Variants in CRTC3 observed in about 807,000 individuals in gnomAD.
The protein encoded by CRTC3 is CREB regulated transcription coactivator 3.
CRTC3 carries 26 observed loss-of-function variants against 74.5 expected under a neutral mutation model. The observed-to-expected ratio is 0.35, with a 90% CI of 0.26 to 0.48. The LOEUF is 0.48. CRTC3 is among the 20% of genes least tolerant of loss of function. The probability of loss-of-function intolerance (pLI) is 0.99; values close to 1 mark genes in which losing one functional copy is unlikely to be tolerated. For synonymous variants in CRTC3, 377 were observed against 325.8 expected (o/e 1.16, Z -1.69); for missense variants, 760 against 787.3 (o/e 0.97, Z 0.41).
rs540999952 is a variant in CRTC3, at chr15:90,530,748, G to A, written c.132+545G>A. The A allele has an allele frequency of 1.6e-4, 24 of 152,516 alleles. No individual in the cohort carries two copies. The highest frequency in any genetic ancestry group is 5.5e-4 in the African/African-American group (23 of 41,598). 9.4% of individuals were successfully genotyped at this position (152,516 alleles called of 1,614,324 possible). A position where few individuals can be genotyped will look rare whatever the true frequency, so the allele number is the denominator to read the frequency against. On this transcript the variant is annotated intron_variant, in intron 1 of 14. Coordinates refer to ENST00000268184, the MANE Select transcript of CRTC3 (RefSeq NM_022769.5). This position sits in a 1 kb window ranked among gnomAD's most constrained non-coding sequence, Gnocchi z 6.2. ...ACCACGACGGGATTCCGTGTCGAGT[G>A]TGAGGCTCTGCTCCTTTTACTCCTT... is the stretch of plus-strand genomic sequence containing the variant.
intron 9 of CRTC3, among the ~76,000 whole-genome samples, chr15:90,624,400 C>G (rs1415190561): frequency 6.6e-6 from 1 of 152,098 alleles, no homozygotes; most frequent in Non-Finnish European, 1.5e-5. Context: ...TGGCCTCCCT[C>G]TTTCCACAGT....
rs1966663397 is a variant in CRTC3 at position 90,533,345 on chromosome 15, C to T, written c.132+3142C>T. Among the ~76,000 whole-genome samples the T allele has an allele frequency of 4.7e-5, 7 of 148,594 alleles. No homozygotes were observed. The South Asian group carries it at 1.5e-3, about 31-fold the overall frequency. On this transcript the variant is annotated intron_variant, in intron 1 of 14. Transcript: ENST00000268184. ...CTGCGGCAGGAGAATGGCGTGAACC[C>T]GGAAGGCGGAGCTTGCAGTGAGCCG... is the stretch of plus-strand genomic sequence containing the variant.
At chr15:90,619,999 C>G (rs28670393) in intron 9 of CRTC3, 2 of 549,000 alleles carry the variant, frequency 3.6e-6, no homozygotes, top group South Asian at 4.6e-5. Flanking sequence ...TAATAACAAA[C>G]AAAACTTACA....
intron 8 of CRTC3, among the ~76,000 whole-genome samples, chr15:90,618,902 C>A (rs1375569299): frequency 6.6e-6 from 1 of 152,212 alleles, no homozygotes; most frequent in African/African-American, 2.4e-5. Flanking sequence ...AGGCTTTTAT[C>A]AGAGGATAAC....
chr15:90,558,999 G>A (rs1000582574), intron 2 of CRTC3, among the ~76,000 whole-genome samples: 3 of 151,946 alleles, frequency 2.0e-5, no homozygotes, highest in African/African-American at 7.3e-5. Context: ...TGATCCGCCC[G>A]CCTTGGCTTC....
At chr15:90,604,652 T>C (rs1327849647) in intron 5 of CRTC3, among the ~76,000 whole-genome samples, 1 of 152,212 alleles carries the variant, frequency 6.6e-6, no homozygotes, top group Non-Finnish European at 1.5e-5. Flanking sequence ...AGGGTTTGCA[T>C]CTTGCTGTAT....
intron 2 of CRTC3, among the ~76,000 whole-genome samples, chr15:90,584,237 C>CTTTT (rs11355776): frequency 8.6e-6 from 1 of 116,702 alleles, no homozygotes; most frequent in African/African-American, 3.3e-5. Context: ...TTCACCAACG[C>CTTTT]TTTTTTTTTT....
intron 2 of CRTC3, among the ~76,000 whole-genome samples, chr15:90,554,899 A>T (rs1291741164): frequency 6.6e-6 from 1 of 152,166 alleles, no homozygotes; most frequent in Non-Finnish European, 1.5e-5. Context: ...ATTATTTTTT[A>T]AAATAATTAG....
chr15:90,626,315 C>T (rs1415891609), intron 10 of CRTC3, among the ~76,000 whole-genome samples: 1 of 152,192 alleles, frequency 6.6e-6, no homozygotes, highest in Non-Finnish European at 1.5e-5. Context: ...TAGTGGCTGT[C>T]ATCAACATAT....
At chr15:90,621,126 G>C (rs966329913) in intron 9 of CRTC3, among the ~76,000 whole-genome samples, 1 of 151,754 alleles carries the variant, frequency 6.6e-6, no homozygotes, top group African/African-American at 2.4e-5. Flanking sequence ...CCTCAACCTA[G>C]TCTGGTTCAG....
At chr15:90,581,898 T>C (rs1420593510) in intron 2 of CRTC3, among the ~76,000 whole-genome samples, 1 of 152,200 alleles carries the variant, frequency 6.6e-6, no homozygotes, top group Non-Finnish European at 1.5e-5. Context: ...TTTACATATA[T>C]TTCCTACGGC....
At chr15:90,611,994 T>G (rs1253687955) in intron 6 of CRTC3, among the ~76,000 whole-genome samples, 1 of 150,980 alleles carries the variant, frequency 6.6e-6, no homozygotes, top group African/African-American at 2.4e-5. Flanking sequence ...TCCATCTTCC[T>G]TCTCCTTCTT....
intron 2 of CRTC3, among the ~76,000 whole-genome samples, chr15:90,589,513 C>T (rs1967749103): frequency 6.6e-6 from 1 of 152,176 alleles, no homozygotes; most frequent in Admixed American, 6.5e-5. Flanking sequence ...CACATCACCA[C>T]ACCAGCTAAT....
chr15:90,637,004 T>C (rs377398480), intron 11 of CRTC3, among the ~76,000 whole-genome samples: 2 of 152,156 alleles, frequency 1.3e-5, no homozygotes, highest in African/African-American at 2.4e-5. Flanking sequence ...GGCGATTCCT[T>C]AGGGATCTTG....
chr15:90,629,603 C>G, intron 11 of CRTC3, 71 bp downstream of exon 11: 1 of 1,506,936 alleles, frequency 6.6e-7, no homozygotes, highest in South Asian at 1.2e-5. Context: ...CATTCCTCCT[C>G]TTTACTATTT....
At chr15:90,554,397 T>G (rs958138567) in intron 2 of CRTC3, among the ~76,000 whole-genome samples, 16 of 152,114 alleles carry the variant, frequency 1.1e-4, no homozygotes, top group Non-Finnish European at 2.4e-4. Flanking sequence ...GAGACGGGGT[T>G]TCACCATGTT....
chr15:90,603,252 G>A (rs1433524350), intron 4 of CRTC3, among the ~76,000 whole-genome samples: 1 of 149,594 alleles, frequency 6.7e-6, no homozygotes, highest in Admixed American at 6.7e-5. Flanking sequence ...GACCATCCTC[G>A]CTAACACGGT....
intron 2 of CRTC3, among the ~76,000 whole-genome samples, chr15:90,558,444 C>A (rs896323701): frequency 6.6e-6 from 1 of 152,144 alleles, no homozygotes; most frequent in Non-Finnish European, 1.5e-5. Flanking sequence ...CCTGTAGGGC[C>A]CCCATCATCT....
intron 11 of CRTC3, among the ~76,000 whole-genome samples, chr15:90,629,754 C>A (rs1197606765): frequency 6.6e-6 from 1 of 152,188 alleles, no homozygotes; most frequent in East Asian, 1.9e-4. Context: ...GAAAGGGTCT[C>A]ACTCTGTTGC....
Sources: gnomAD v4.1 joint callset for allele counts (sites outside exome capture counted in the v4.1 genomes callset) on GRCh38, gnomAD v4.1.1 for gene constraint, Gnocchi (gnomAD v3.1) non-coding constraint, MANE v1.5 for transcripts, NCBI Gene and HGNC (gene_info 2026-07-23, HGNC 2026-07-21) for gene names.